The following BUB1 variants were observed in gnomAD, a reference collection of about 807,000 sequenced individuals.
BUB1 encodes BUB1 mitotic checkpoint serine/threonine kinase.
A neutral mutation model predicts 135.2 loss-of-function variants in BUB1; 84 were observed. The observed-to-expected ratio is 0.62, with a 90% CI of 0.52 to 0.74. The LOEUF (loss-of-function observed/expected upper bound fraction) is 0.74, where lower values mean the gene tolerates loss of function less well. Ranked by LOEUF, BUB1 falls within the 30% of genes least tolerant of loss-of-function variation. BUB1 has a pLI of 0.00. For missense variants in BUB1, 1,162 were observed against 1,288.3 expected, an observed-to-expected ratio of 0.90 and a Z score of 1.50; for synonymous variants, 403 against 434.4, an observed-to-expected ratio of 0.93 and a Z score of 0.90.
chr2:110,645,194 G>A (rs893797436), intron 19 of BUB1, among the ~76,000 whole-genome samples: 3 of 152,118 alleles, frequency 2.0e-5, no homozygotes, highest in Non-Finnish European at 4.4e-5. Flanking sequence ...AGCACTTTGG[G>A]AGGCCAAGGA....
intron 3 of BUB1, 124 bp from the exon 4 acceptor site, chr2:110,672,981 A>C: frequency 1.1e-6 from 1 of 948,208 alleles, no homozygotes; most frequent in Non-Finnish European, 1.5e-6. Flanking sequence ...TCATCAGCAA[A>C]ACCAAGGCAG....
rs1690294504 is a variant in BUB1, at chr2:110,667,610, T to G, written c.716A>C (p.Lys239Thr). Residue 239 changes from lysine (K) to threonine (T), a missense_variant, in exon 8 of 25, where the codon AAG becomes ACG. By Grantham distance (78) the Lys-to-Thr change is moderately conservative. Coordinates refer to ENST00000302759, the MANE Select transcript of BUB1 (RefSeq NM_004336.5). ...TGATTCCCCACGAATAAGCTTCTCC[T>G]TGCAATACATAACAACCTGCTCAAC... ...VDVEQVVMYC[K>T]EKLIRGESEF... The G allele has an allele frequency of 6.2e-7, 1 of 1,614,056 alleles. No homozygotes were observed. The highest frequency in any genetic ancestry group is 8.5e-7 in the Non-Finnish European group (1 of 1,179,980).
rs1406103947 is a variant in BUB1 at position 110,658,631 on chromosome 2, T to G, written c.1388A>C (p.His463Pro). 1 of 1,614,138 alleles carries G rather than the reference T, an allele frequency of 6.2e-7. No homozygotes were observed. The highest frequency in any genetic ancestry group is 8.5e-7 in the Non-Finnish European group (1 of 1,180,056). Residue 463 changes from histidine (H) to proline (P), a missense_variant, in exon 12 of 25, where the codon CAC becomes CCC. Physicochemically the swap from His to Pro is moderately conservative, Grantham distance 77 (BLOSUM62 -2). Transcript: ENST00000302759. ...PSKVQPSPTV[H>P]TKEALGFIMN... ...TACTTTACCTAATGCTTCTTTTGTG[T>G]GCACGGTGGGTGATGGCTGCACTTT...
chr2:110,666,490 A>C (rs1304047949), intron 8 of BUB1, 76 bp from the exon 9 acceptor site: 19 of 1,179,400 alleles, frequency 1.6e-5, no homozygotes, highest in Non-Finnish European at 1.9e-5. Context: ...AAAATGAGGA[A>C]AGGGTTATAT....
chr2:110,667,773 G>A (rs750172425), intron 7 of BUB1, 24 bp downstream of exon 7: 30 of 1,611,270 alleles, frequency 1.9e-5, no homozygotes, highest in Non-Finnish European at 2.5e-5. Flanking sequence ...ACTAATAATA[G>A]ATTAATGCAC....
intron 24 of BUB1, among the ~76,000 whole-genome samples, chr2:110,639,536 C>A (rs895725178): frequency 6.6e-6 from 1 of 152,142 alleles, no homozygotes; most frequent in Non-Finnish European, 1.5e-5. Context: ...GTGAGGACAT[C>A]AGCTGCCCCA....
At chr2:110,643,812 G>A (rs1158184884) in intron 19 of BUB1, among the ~76,000 whole-genome samples, 1 of 151,806 alleles carries the variant, frequency 6.6e-6, no homozygotes, top group African/African-American at 2.4e-5. Flanking sequence ...GCCCACACTA[G>A]AAATTTTTTT....
At chr2:110,656,159 T>C (rs1223122004) in intron 15 of BUB1, among the ~76,000 whole-genome samples, 1 of 152,132 alleles carries the variant, frequency 6.6e-6, no homozygotes, top group African/African-American at 2.4e-5. Flanking sequence ...ATTTTTTAAT[T>C]TGAAAAAGTT....
In BUB1 at chr2:110,657,568, C is replaced by A. The variant is rs1311283935; in HGVS notation, c.1594G>T (p.Asp532Tyr). 1 of 1,606,838 alleles carries A rather than the reference C, an allele frequency of 6.2e-7. No homozygotes were observed. The highest frequency in any genetic ancestry group is 1.7e-5 in the Admixed American group (1 of 58,730). The change falls in exon 14 of 25, where the codon GAT (aspartate) becomes TAT (tyrosine). Residue 532 changes from aspartate (D) to tyrosine (Y), a missense_variant. By Grantham distance (160) the Asp-to-Tyr change is radical. Coordinates refer to ENST00000302759, the MANE Select transcript of BUB1 (RefSeq NM_004336.5). ...TACCCATAATTTTCTTTGTTTCCATCTTCAAACACATGAAAAGCAGATGAC... is the reference window on the plus strand; with the variant it reads ...TACCCATAATTTTCTTTGTTTCCATATTCAAACACATGAAAAGCAGATGAC... ...SLSSAFHVFEDGNKENYGLPQ... is the reference protein window; with the variant it reads ...SLSSAFHVFEYGNKENYGLPQ...
chr2:110,661,550 C>G, intron 10 of BUB1, 32 bp downstream of exon 10: 1 of 1,604,680 alleles, frequency 6.2e-7, no homozygotes, highest in Non-Finnish European at 8.5e-7. Flanking sequence ...CCACTCACAT[C>G]ACTGTGATCT....
intron 9 of BUB1, among the ~76,000 whole-genome samples, chr2:110,664,856 A>C (rs1006066255): frequency 6.6e-6 from 1 of 152,246 alleles, no homozygotes; most frequent in Admixed American, 6.5e-5. Context: ...AAATGTATCC[A>C]AAAAATGTCC....
At chr2:110,642,975 A>G (rs1689543671) in intron 19 of BUB1, among the ~76,000 whole-genome samples, 1 of 152,212 alleles carries the variant, frequency 6.6e-6, no homozygotes, top group South Asian at 2.1e-4. Flanking sequence ...TACAGGAGTG[A>G]GCTAACACAC....
At chr2:110,643,794 C>CATTCCTAT (rs1689565990) in intron 19 of BUB1, among the ~76,000 whole-genome samples, 1 of 152,026 alleles carries the variant, frequency 6.6e-6, no homozygotes, top group South Asian at 2.1e-4. Flanking sequence ...AATGAGCTAC[C>CATTCCTAT]ATGCCAGGCC....
intron 19 of BUB1, among the ~76,000 whole-genome samples, chr2:110,647,667 T>C (rs1370462372): frequency 6.6e-6 from 1 of 152,048 alleles, no homozygotes; most frequent in African/African-American, 2.4e-5. Context: ...TAATAAACTA[T>C]GTAGATGCTT....
chr2:110,673,787 C>T (rs772624300), intron 3 of BUB1, among the ~76,000 whole-genome samples: 1 of 151,994 alleles, frequency 6.6e-6, no homozygotes, highest in Non-Finnish European at 1.5e-5. Flanking sequence ...TTAGTAGAGA[C>T]AGGATTTTAC....
chr2:110,655,907 G>A lies in BUB1; in HGVS notation c.1708C>T (p.Pro570Ser). ...RLPSKPKEEV[P>S]HAEEFLDDST... The stretch of plus-strand genomic sequence containing the variant: ...TCATCCAAAAACTCTTCAGCATGAG[G>A]CACTTCCTCCTATAACAGAAGATGA... Residue 570 changes from proline (P) to serine (S), a missense_variant, in exon 16 of 25, where the codon CCT (proline) becomes TCT (serine). By Grantham distance (74) the Pro-to-Ser change is moderately conservative. Coordinates refer to ENST00000302759, the MANE Select transcript of BUB1 (RefSeq NM_004336.5). 6.2e-7 allele frequency: 1 copy of A among 1,613,030 alleles called. No homozygotes were observed. Among genetic ancestry groups the A allele is most frequent in the Non-Finnish European group, 8.5e-7 (1 of 1,179,310 alleles).
chr2:110,649,492 G>T, intron 18 of BUB1, 115 bp from the exon 19 acceptor site: 1 of 1,009,624 alleles, frequency 9.9e-7, no homozygotes, highest in Non-Finnish European at 1.4e-6. Flanking sequence ...AGCTTTCAAA[G>T]CCTTATAAGA....
chr2:110,640,337 T>A (rs554804999), intron 23 of BUB1, among the ~76,000 whole-genome samples: 1 of 152,002 alleles, frequency 6.6e-6, no homozygotes, highest in East Asian at 1.9e-4. Context: ...ACAAGACCCC[T>A]CCCCACCCCC....
At chr2:110,638,985 G>A (rs565932969) in intron 24 of BUB1, among the ~76,000 whole-genome samples, 4 of 151,762 alleles carry the variant, frequency 2.6e-5, no homozygotes, top group African/African-American at 9.7e-5. Flanking sequence ...CTACTCTTAC[G>A]TTTTCTCAAG....
Sources: allele counts gnomAD v4.1 joint callset (sites outside exome capture counted in the v4.1 genomes callset), GRCh38; gene constraint gnomAD v4.1.1; transcripts MANE v1.5; gene names NCBI Gene and HGNC (gene_info 2026-07-23, HGNC 2026-07-21).